Variants in IL1RAPL1 observed in about 807,000 individuals in gnomAD.
IL1RAPL1 encodes interleukin-1 receptor accessory protein-like 1.
In IL1RAPL1, 3 loss-of-function variants were observed where a neutral mutation model predicts 48.4. That is an observed-to-expected ratio of 0.06 (90% CI 0.03 to 0.16). The LOEUF (loss-of-function observed/expected upper bound fraction) is 0.16. Among genes scored for constraint, IL1RAPL1 ranks in the 10% least tolerant of loss-of-function variants. The probability of loss-of-function intolerance (pLI) is 1.00; values close to 1 mark genes in which losing one functional copy is unlikely to be tolerated. For synonymous variants in IL1RAPL1, 185 were observed against 187.7 expected (o/e 0.99, Z 0.12); for missense variants, 349 against 530.6 (o/e 0.66, Z 3.36).
intron 1 of IL1RAPL1, among the ~76,000 whole-genome samples, chrX:28,720,525 C>T (rs1935559104): frequency 8.9e-6 from 1 of 112,029 alleles, no homozygotes; most frequent in Non-Finnish European, 1.9e-5. Context: ...TTACCTACTA[C>T]TTGTTATTGC....
Position 28,664,633 on chromosome X carries a change from G to GT in IL1RAPL1, c.-25+76592dup, listed in dbSNP as rs1477181072. Among the ~76,000 whole-genome samples, 6 of 111,739 alleles carry GT rather than the reference G, an allele frequency of 5.4e-5. No homozygotes were observed. In the East Asian group the frequency reaches 1.7e-3, roughly 32 times the overall value. ...GTTCTTTGTGTCTTTGCCTTCCCTTGTTTTTTCTACTGTATTCTGTGGAGT... is the reference window on the plus strand; with the variant it reads ...GTTCTTTGTGTCTTTGCCTTCCCTTGTTTTTTTCTACTGTATTCTGTGGAGT... On this transcript the variant is annotated intron_variant, in intron 1 of 10. Coordinates refer to ENST00000378993, the MANE Select transcript of IL1RAPL1 (RefSeq NM_014271.4).
chrX:29,118,734 G>C (rs1245475662), intron 2 of IL1RAPL1, among the ~76,000 whole-genome samples: 1 of 111,337 alleles, frequency 9.0e-6, no homozygotes, highest in Non-Finnish European at 1.9e-5. Flanking sequence ...ATTATGCCCA[G>C]GTGGTAGTGG....
chrX:29,455,757 A>G (rs768271442), intron 5 of IL1RAPL1, among the ~76,000 whole-genome samples: 243 of 112,026 alleles, frequency 2.2e-3, no homozygotes, highest in African/African-American at 6.9e-3. Flanking sequence ...TTTAATTAAA[A>G]AAACCCCACA....
At chrX:29,922,765 T>C (rs1714812674) in intron 8 of IL1RAPL1, among the ~76,000 whole-genome samples, 1 of 112,296 alleles carries the variant, frequency 8.9e-6, no homozygotes, top group African/African-American at 3.2e-5. Flanking sequence ...AATTATGTAA[T>C]TATCAGGTGA....
intron 6 of IL1RAPL1, among the ~76,000 whole-genome samples, chrX:29,800,830 C>CAAAAAAAAAA (rs368811843): frequency 2.8e-5 from 1 of 36,357 alleles, no homozygotes; most frequent in Admixed American, 4.0e-4. Context: ...ACTAAAAATA[C>CAAAAAAAAAA]AAAAAAAAAA....
intron 2 of IL1RAPL1, among the ~76,000 whole-genome samples, chrX:29,173,112 G>A (rs936120400): frequency 1.8e-5 from 2 of 111,067 alleles, no homozygotes; most frequent in Admixed American, 9.6e-5. Context: ...TTTTGAATAC[G>A]TATGCCTGAG....
chrX:29,941,567 G>A, intron 8 of IL1RAPL1, 84 bp from the exon 9 acceptor site: 1 of 1,010,471 alleles, frequency 9.9e-7, no homozygotes. Flanking sequence ...TCTCATCCAG[G>A]AAAATGTGAA....
intron 2 of IL1RAPL1, among the ~76,000 whole-genome samples, chrX:28,896,678 C>T (rs1922927304): frequency 9.1e-6 from 1 of 109,852 alleles, no homozygotes; most frequent in African/African-American, 3.3e-5. Flanking sequence ...TGGCGAGGAG[C>T]AGCCTGGGGA....
chrX:29,202,253 GA>G lies in IL1RAPL1; in HGVS notation c.83-80678del, dbSNP rs372596131. Among the ~76,000 whole-genome samples the G allele has an allele frequency of 6.3e-3, 706 of 111,598 alleles. 5 individuals are homozygous for G. Among genetic ancestry groups the G allele is most frequent in the African/African-American group, 0.022 (667 of 30,710 alleles). On this transcript the variant is annotated intron_variant, in intron 2 of 10. Transcript: ENST00000378993. Reference sequence around the variant, plus strand: ...AGACAGACATACAGCCAACAATCATGAAAAAAAGCTCAACATCACTGATCAT... The same window carrying G: ...AGACAGACATACAGCCAACAATCATGAAAAAAGCTCAACATCACTGATCAT...
At chrX:29,708,060 G>GAGCT (rs771746276) in intron 6 of IL1RAPL1, among the ~76,000 whole-genome samples, 2 of 110,303 alleles carry the variant, frequency 1.8e-5, no homozygotes, top group African/African-American at 6.6e-5. Flanking sequence ...TTTTCACTCT[G>GAGCT]AGCTTTTCTA....
intron 6 of IL1RAPL1, among the ~76,000 whole-genome samples, chrX:29,869,537 A>G (rs1274900044): frequency 1.8e-5 from 2 of 111,514 alleles, no homozygotes; most frequent in East Asian, 5.7e-4. Flanking sequence ...GTCTCATCAT[A>G]TAACTCTCAC....
intron 2 of IL1RAPL1, among the ~76,000 whole-genome samples, chrX:28,894,168 A>G (rs1026963343): frequency 1.8e-5 from 2 of 112,224 alleles, no homozygotes; most frequent in African/African-American, 6.5e-5. Flanking sequence ...CAGGATATGG[A>G]AGGCATATTT....
intron 6 of IL1RAPL1, among the ~76,000 whole-genome samples, chrX:29,847,409 C>T (rs1270989633): frequency 8.9e-6 from 1 of 111,871 alleles, no homozygotes; most frequent in African/African-American, 3.2e-5. Flanking sequence ...TGATCTCATG[C>T]AGGTCATTTA....
chrX:29,254,331 A>T (rs1316305768), intron 2 of IL1RAPL1, among the ~76,000 whole-genome samples: 1 of 111,738 alleles, frequency 8.9e-6, no homozygotes, highest in African/African-American at 3.2e-5. Flanking sequence ...TTTATGATTT[A>T]TACTTATGGA....
At chrX:29,825,756 T>C (rs936557028) in intron 6 of IL1RAPL1, among the ~76,000 whole-genome samples, 2 of 112,072 alleles carry the variant, frequency 1.8e-5, no homozygotes, top group Non-Finnish European at 3.8e-5. Context: ...CTTTTCTTTG[T>C]AGACCTTAGA....
intron 5 of IL1RAPL1, among the ~76,000 whole-genome samples, chrX:29,454,710 G>A (rs1934718897): frequency 9.0e-6 from 1 of 111,051 alleles, no homozygotes; most frequent in Non-Finnish European, 1.9e-5. Flanking sequence ...AAGCTATATG[G>A]GGAATAAAAT....
intron 2 of IL1RAPL1, among the ~76,000 whole-genome samples, chrX:29,027,433 C>T (rs937239862): frequency 8.9e-6 from 1 of 111,734 alleles, no homozygotes; most frequent in Non-Finnish European, 1.9e-5. Context: ...TTTATTCATT[C>T]GTCTATGGAA....
intron 3 of IL1RAPL1, among the ~76,000 whole-genome samples, chrX:29,371,237 T>C (rs1395412150): frequency 9.6e-6 from 1 of 104,516 alleles, no homozygotes; most frequent in Non-Finnish European, 1.9e-5. Context: ...GTTCAAGCGA[T>C]TCTCCTGTCT....
chrX:28,708,206 G>A (rs1252435844), intron 1 of IL1RAPL1, among the ~76,000 whole-genome samples: 1 of 111,411 alleles, frequency 9.0e-6, no homozygotes, highest in African/African-American at 3.3e-5. Flanking sequence ...AGGTACTCTA[G>A]CAGTGAATAA....
Sources: gnomAD v4.1 joint callset for allele counts (sites outside exome capture counted in the v4.1 genomes callset) on GRCh38, gnomAD v4.1.1 for gene constraint, MANE v1.5 for transcripts, NCBI Gene and HGNC (gene_info 2026-07-23, HGNC 2026-07-21) for gene names.